Variants in DNAH7 observed in about 807,000 individuals in gnomAD.
DNAH7 encodes the protein axonemal beta dynein heavy chain 7.
DNAH7 carries 397 observed loss-of-function variants against 444.6 expected under a neutral mutation model. That is an observed-to-expected ratio of 0.89 (90% CI 0.82 to 0.97). DNAH7 has a LOEUF of 0.97. Among genes scored for constraint, DNAH7 ranks in the 50% least tolerant of loss-of-function variants. The pLI, the probability that DNAH7 is intolerant of heterozygous loss-of-function variation, is 0.00. For synonymous variants in DNAH7, 1,636 were observed against 1,624.4 expected (o/e 1.01, Z -0.17); for missense variants, 4,902 against 4,800.8 (o/e 1.02, Z -0.62).
rs760998167 is a variant in DNAH7, at chr2:195,816,776, G to A, written c.9613C>T (p.Pro3205Ser). The A allele has an allele frequency of 1.2e-6, 2 of 1,614,136 alleles. No homozygotes were observed. The highest frequency in any genetic ancestry group is 2.2e-5 in the South Asian group (2 of 91,080). The part of the protein sequence containing the change: ...KIDTTRMGYR[P>S]IAIHSSILFF... ...AGGATGGAAGAATGGATGGCAATAG[G>A]ACGATAGCCCATGCGGGTGGTGTCA... The change falls in exon 51 of 65, where the codon CCT (proline) becomes TCT (serine). Residue 3205 changes from proline (P) to serine (S), a missense_variant. By Grantham distance (74) the Pro-to-Ser change is moderately conservative (BLOSUM62 -1). Coordinates refer to ENST00000312428, the MANE Select transcript of DNAH7 (RefSeq NM_018897.3).
At chr2:195,848,745 G>A (rs1166934416) in intron 46 of DNAH7, among the ~76,000 whole-genome samples, 1 of 152,164 alleles carries the variant, frequency 6.6e-6, no homozygotes, top group Non-Finnish European at 1.5e-5. Context: ...CCTGGGGGTT[G>A]GGTATTTTGA....
At chr2:196,061,789 G>T (rs1010901095) in intron 1 of DNAH7, among the ~76,000 whole-genome samples, 1 of 152,168 alleles carries the variant, frequency 6.6e-6, no homozygotes, top group African/African-American at 2.4e-5. Flanking sequence ...ATTATATCAT[G>T]TGTCCATTAC....
intron 21 of DNAH7, among the ~76,000 whole-genome samples, chr2:195,931,138 T>C (rs1395047931): frequency 6.6e-6 from 1 of 152,090 alleles, no homozygotes; most frequent in Admixed American, 6.6e-5. Context: ...AATCACACGA[T>C]ATATCTATGT....
chr2:195,779,524 AATT>A (rs2105958122), intron 58 of DNAH7, among the ~76,000 whole-genome samples: 1 of 152,298 alleles, frequency 6.6e-6, no homozygotes, highest in East Asian at 1.9e-4. Flanking sequence ...TGAGGTCCAC[AATT>A]ATTTCATATG....
intron 18 of DNAH7, among the ~76,000 whole-genome samples, chr2:195,957,841 G>C (rs988427502): frequency 1.3e-5 from 2 of 151,980 alleles, no homozygotes; most frequent in Non-Finnish European, 2.9e-5. Flanking sequence ...ATATGTCATA[G>C]CAATAAACCT....
chr2:195,980,679 C>A (rs1007174526), intron 15 of DNAH7, among the ~76,000 whole-genome samples: 1 of 152,088 alleles, frequency 6.6e-6, no homozygotes, highest in Non-Finnish European at 1.5e-5. Flanking sequence ...TGGGATTTAT[C>A]CCAGGGATGC....
At position 196,019,254 on chromosome 2, in the gene DNAH7, G is replaced by A; in HGVS notation, c.785C>T (p.Ala262Val). 6.6e-7 allele frequency: 1 copy of A among 1,504,302 alleles called. No individual in the cohort carries two copies. Among genetic ancestry groups the A allele is most frequent in the Non-Finnish European group, 9.0e-7 (1 of 1,111,540 alleles). 93.2% of individuals were successfully genotyped at this position (1,504,302 alleles called of 1,614,324 possible). A position where few individuals can be genotyped will look rare whatever the true frequency, so the allele number is the denominator to read the frequency against. ...LPKPWRKSFLAASSYIRDHLN... is the reference protein window; with the variant it reads ...LPKPWRKSFLVASSYIRDHLN... ...GTGATCCCTAATATAACTGCTTGCAGCTAAAAAAGATTTCCTCCAAGGTTT... is the reference window on the plus strand; with the variant it reads ...GTGATCCCTAATATAACTGCTTGCAACTAAAAAAGATTTCCTCCAAGGTTT... The change falls in exon 9 of 65, where the codon GCT becomes GTT. Residue 262 changes from alanine to valine, a missense_variant. Physicochemically the swap from Ala to Val is moderately conservative, Grantham distance 64. Coordinates refer to ENST00000312428, the MANE Select transcript of DNAH7 (RefSeq NM_018897.3).
At chr2:195,823,354 T>C (rs929826637) in intron 49 of DNAH7, among the ~76,000 whole-genome samples, 4 of 152,210 alleles carry the variant, frequency 2.6e-5, no homozygotes, top group Non-Finnish European at 5.9e-5. Context: ...TGTGTCTTCC[T>C]AGTCACACAA....
chr2:196,044,288 G>T (rs1448563463), intron 5 of DNAH7, among the ~76,000 whole-genome samples: 1 of 151,740 alleles, frequency 6.6e-6, no homozygotes, highest in Non-Finnish European at 1.5e-5. Context: ...AACAGCATTT[G>T]CAGCAACGTG....
intron 19 of DNAH7, 62 bp downstream of exon 19, chr2:195,957,199 T>C (rs1690726177): frequency 7.2e-7 from 1 of 1,385,298 alleles, no homozygotes; most frequent in South Asian, 1.8e-5. Flanking sequence ...TATGGATTTC[T>C]GAAAACAAAA....
intron 19 of DNAH7, among the ~76,000 whole-genome samples, chr2:195,941,536 C>T (rs1481973180): frequency 6.7e-6 from 1 of 149,154 alleles, no homozygotes; most frequent in Non-Finnish European, 1.5e-5. Context: ...AACAAACCTG[C>T]GTGTTCTGCA....
At chr2:196,039,176 A>G (rs1032864427) in intron 5 of DNAH7, among the ~76,000 whole-genome samples, 3 of 152,342 alleles carry the variant, frequency 2.0e-5, no homozygotes, top group East Asian at 1.9e-4. Flanking sequence ...ATCACACACA[A>G]TGAAGTAAAA....
intron 2 of DNAH7, among the ~76,000 whole-genome samples, chr2:196,055,312 C>A (rs1697736866): frequency 6.6e-6 from 1 of 152,058 alleles, no homozygotes; most frequent in Admixed American, 6.6e-5. Flanking sequence ...CACTGCACTC[C>A]AGCCTGGACA....
chr2:195,927,902 T>C (rs1688447223), intron 21 of DNAH7, among the ~76,000 whole-genome samples: 1 of 152,092 alleles, frequency 6.6e-6, no homozygotes, highest in Non-Finnish European at 1.5e-5. Flanking sequence ...ACAGGAAGAT[T>C]TTTAAAAGAT....
intron 9 of DNAH7, among the ~76,000 whole-genome samples, chr2:196,017,006 T>A (rs908551011): frequency 1.3e-5 from 2 of 152,178 alleles, no homozygotes; most frequent in Non-Finnish European, 2.9e-5. Context: ...ATTATTTTAT[T>A]TAATTTTAAT....
chr2:195,964,748 C>T (rs971354185), intron 17 of DNAH7, among the ~76,000 whole-genome samples: 24 of 151,100 alleles, frequency 1.6e-4, no homozygotes, highest in African/African-American at 9.7e-5. Flanking sequence ...TGGTGGCACG[C>T]GCTTGTAGTC....
chr2:195,974,629 G>A (rs575023232), intron 15 of DNAH7, among the ~76,000 whole-genome samples: 1 of 151,950 alleles, frequency 6.6e-6, no homozygotes, highest in East Asian at 1.9e-4. Flanking sequence ...TTAATGAACA[G>A]GAATTTACAG....
intron 17 of DNAH7, among the ~76,000 whole-genome samples, chr2:195,962,593 G>A (rs2125537670): frequency 6.6e-6 from 1 of 152,282 alleles, no homozygotes; most frequent in South Asian, 2.1e-4. Context: ...CAAGTGATCT[G>A]CCTGCCTTGG....
rs1699777751 is a variant in DNAH7 at position 195,857,465 on chromosome 2, G to C, written c.8326C>G (p.Pro2776Ala). The change falls in exon 44 of 65, where the codon CCA (proline) becomes GCA (alanine). Residue 2776 changes from proline (P) to alanine (A), a missense_variant. Pro to Ala is a conservative substitution (Grantham distance 27). Coordinates refer to ENST00000312428, the MANE Select transcript of DNAH7 (RefSeq NM_018897.3). ...NIIRKNYIPN[P>A]DFVPEKIRNA... ...CTGATTTTTTCTGGTACAAAATCTG[G>C]ATTTGGAATATAATTTTTTCTTATG... 3.1e-6 allele frequency: 5 copies of C among 1,613,426 alleles called. No individual in the cohort carries two copies. In the African/African-American group the frequency reaches 6.7e-5, roughly 22 times the overall value.
Sources: gnomAD v4.1 joint callset for allele counts (sites outside exome capture counted in the v4.1 genomes callset) on GRCh38, gnomAD v4.1.1 for gene constraint, MANE v1.5 for transcripts, NCBI Gene and HGNC (gene_info 2026-07-23, HGNC 2026-07-21) for gene names.